The following CD1D variants were observed in gnomAD, a reference collection of about 807,000 sequenced individuals.
CD1D encodes the protein antigen-presenting glycoprotein CD1d.
CD1D carries 40 observed loss-of-function variants against 42.1 expected under a neutral mutation model. That is an observed-to-expected ratio of 0.95 (90% confidence interval 0.74 to 1.24). The LOEUF (loss-of-function observed/expected upper bound fraction) is 1.24, where lower values mean the gene tolerates loss of function less well. Ranked by LOEUF, CD1D falls within the 50% of genes most tolerant of loss-of-function variation. CD1D has a pLI of 0.00. For missense variants in CD1D, 437 were observed against 416.5 expected (o/e 1.05, Z -0.43); for synonymous variants, 178 against 171.8 (o/e 1.04, Z -0.28).
chr1:158,184,007 G>A lies in CD1D; in HGVS notation c.958G>A (p.Gly320Ser), dbSNP rs754781761. 1.2e-6 allele frequency: 2 copies of A among 1,613,974 alleles called. No homozygotes were observed. The highest frequency in any genetic ancestry group is 8.5e-7 in the Non-Finnish European group (1 of 1,180,018). The change falls in exon 5 of 6, where the codon GGC becomes AGC. Residue 320 changes from glycine (G) to serine (S), a missense_variant. Transcript: ENST00000674085. ...GTGCTTGCTGTTCCTCCTCATTGTG[G>A]GCTTTACCTCCCGGTTTAAGAGGCA... The part of the protein sequence containing the change: ...LACLLFLLIV[G>S]FTSRFKRQTS...
At chr1:158,181,432 C>T in intron 1 of CD1D, 23 bp from the exon 2 acceptor site, 1 of 1,611,336 alleles carries the variant, frequency 6.2e-7, no homozygotes, top group Non-Finnish European at 8.5e-7. Context: ...TGCTACACGC[C>T]TCCAATCTTC....
upstream of CD1D, among the ~76,000 whole-genome samples, chr1:158,178,151 T>C (rs1648245948): frequency 6.6e-6 from 1 of 152,234 alleles, no homozygotes; most frequent in Non-Finnish European, 1.5e-5. Flanking sequence ...ATTATCAGGC[T>C]ACTTACAAAA....
At chr1:158,183,365 C>G (rs759089387) in intron 4 of CD1D, among the ~76,000 whole-genome samples, 1 of 152,160 alleles carries the variant, frequency 6.6e-6, no homozygotes, top group Non-Finnish European at 1.5e-5. Flanking sequence ...ATAGTGCTCT[C>G]TATATACAAG....
chr1:158,181,145 C>A lies in CD1D; in HGVS notation c.44C>A (p.Ala15Asp). The A allele has an allele frequency of 6.5e-7, 1 of 1,549,102 alleles. No homozygotes were observed. The highest frequency in any genetic ancestry group is 8.7e-7 in the Non-Finnish European group (1 of 1,146,476). Reference protein sequence around the residue: ...LFLLLWALLQAWGSAEVPQRL... With the variant: ...LFLLLWALLQDWGSAEVPQRL... Reference sequence around the variant, plus strand: ...CTGCTGCTCTGGGCGCTCCTCCAGGCTTGGGGAAGCGCTGAAGGTGGGTGG... The same window carrying A: ...CTGCTGCTCTGGGCGCTCCTCCAGGATTGGGGAAGCGCTGAAGGTGGGTGG... Residue 15 changes from alanine to aspartate, a missense_variant, in exon 1 of 6, where the codon GCT (alanine) becomes GAT (aspartate). Physicochemically the swap from Ala to Asp is moderately radical, Grantham distance 126. Coordinates refer to ENST00000674085, the MANE Select transcript of CD1D (RefSeq NM_001371762.2).
At position 158,184,812 on chromosome 1, in the gene CD1D, T is replaced by C. The variant is rs565329523; in HGVS notation, c.*662T>C. 1 of 152,390 alleles carries C rather than the reference T, an allele frequency of 6.6e-6. No homozygotes were observed. Among genetic ancestry groups the C allele is most frequent in the Admixed American group, 6.5e-5 (1 of 15,304 alleles). The allele number at this position is 152,390 out of a possible 1,614,324, so 9.4% of individuals were successfully genotyped here. ...GATTTACGACTGAAGAAGGACATTT[T>C]CTCTTTAAAAGAAAGTTAGGTTATA... is the stretch of plus-strand genomic sequence containing the variant. On this transcript the variant is annotated 3_prime_UTR_variant, in exon 6 of 6. Coordinates refer to ENST00000674085, the MANE Select transcript of CD1D (RefSeq NM_001371762.2).
At chr1:158,182,694 T>C (rs2101580257) in intron 3 of CD1D, among the ~76,000 whole-genome samples, 184 bp from the exon 4 acceptor site, 1 of 152,256 alleles carries the variant, frequency 6.6e-6, no homozygotes, top group South Asian at 2.1e-4. Context: ...GCAGGCTCCC[T>C]GAAGAAGGTG....
chr1:158,179,598 T>G (rs1335305010), upstream of CD1D, among the ~76,000 whole-genome samples: 1 of 152,112 alleles, frequency 6.6e-6, no homozygotes, highest in African/African-American at 2.4e-5. Flanking sequence ...TCAAAGCCAG[T>G]TAGTGTACAA....
Position 158,181,162 on chromosome 1 carries a change from G to C in CD1D, c.61G>C (p.Val21Leu), listed in dbSNP as rs986366494. The C allele has an allele frequency of 1.9e-6, 3 of 1,550,240 alleles. No homozygotes were observed. The African/African-American group carries it at 4.1e-5, about 21-fold the overall frequency. ...CCTCCAGGCTTGGGGAAGCGCTGAA[G>C]GTGGGTGGAACGAGGGCGCTTGAGT... ...ALLQAWGSAEVPQRLFPLRCL... is the reference protein window; with the variant it reads ...ALLQAWGSAELPQRLFPLRCL... The change falls in exon 1 of 6, where the codon GTC becomes CTC. Residue 21 changes from valine to leucine, a missense_variant and splice_region_variant. Physicochemically the swap from Val to Leu is conservative, Grantham distance 32. Transcript: ENST00000674085.
At chr1:158,178,840 T>C (rs923422118), upstream of CD1D, among the ~76,000 whole-genome samples, 3 of 152,182 alleles carry the variant, frequency 2.0e-5, no homozygotes, top group African/African-American at 7.2e-5. Flanking sequence ...TTGCAAAACG[T>C]TTCATAATTC....
rs1648459918 is a variant in CD1D at position 158,182,100 on chromosome 1, C to T, written c.397C>T (p.His133Tyr). 1 of 1,613,974 alleles carries T rather than the reference C, an allele frequency of 6.2e-7. No individual in the cohort carries two copies. The highest frequency in any genetic ancestry group is 1.3e-5 in the African/African-American group (1 of 74,904). The change falls in exon 3 of 6, where the codon CAT becomes TAT. Residue 133 changes from histidine to tyrosine, a missense_variant. His to Tyr is a moderately conservative substitution (Grantham distance 83). Coordinates refer to ENST00000674085, the MANE Select transcript of CD1D (RefSeq NM_001371762.2). Reference protein sequence around the residue: ...HPGNASNNFFHVAFQGKDILS... With the variant: ...HPGNASNNFFYVAFQGKDILS... ...TGGGAACGCCTCAAATAACTTCTTCCATGTAGCATTTCAAGGAAAAGATAT... is the reference window on the plus strand; with the variant it reads ...TGGGAACGCCTCAAATAACTTCTTCTATGTAGCATTTCAAGGAAAAGATAT...
At position 158,184,666 on chromosome 1, in the gene CD1D, G is replaced by C. The variant is rs1648631843; in HGVS notation, c.*516G>C. The C allele has an allele frequency of 6.2e-6, 1 of 161,968 alleles. No homozygotes were observed. Among genetic ancestry groups the C allele is most frequent in the Admixed American group, 5.8e-5 (1 of 17,228 alleles). The allele number at this position is 161,968 out of a possible 1,614,324, so 10.0% of individuals were successfully genotyped here. A position where few individuals can be genotyped will look rare whatever the true frequency, so the allele number is the denominator to read the frequency against. On this transcript the variant is annotated 3_prime_UTR_variant, in exon 6 of 6. Coordinates refer to ENST00000674085, the MANE Select transcript of CD1D (RefSeq NM_001371762.2). ...CAAGTTTTTACAAAATACTATGTGG[G>C]ACACCTCAAATACATACCTACTGAC...
At chr1:158,181,299 T>A in intron 1 of CD1D, 137 bp downstream of exon 1, 1 of 1,427,132 alleles carries the variant, frequency 7.0e-7, no homozygotes. Context: ...GAAAACTCGC[T>A]GCTCCCTGGC....
chr1:158,183,321 G>A (rs1648547646), intron 4 of CD1D, among the ~76,000 whole-genome samples, 165 bp downstream of exon 4: 1 of 152,082 alleles, frequency 6.6e-6, no homozygotes, highest in Non-Finnish European at 1.5e-5. Context: ...CAGGAAGGAG[G>A]GAAATAAAGA....
chr1:158,178,235 A>G (rs1648249263), upstream of CD1D, among the ~76,000 whole-genome samples: 1 of 152,236 alleles, frequency 6.6e-6, no homozygotes, highest in South Asian at 2.1e-4. Context: ...CTGAATAAAG[A>G]CTATGAGCAA....
upstream of CD1D, chr1:158,180,877 T>C (rs1254288680): frequency 9.2e-6 from 4 of 432,492 alleles, no homozygotes; most frequent in Non-Finnish European, 1.6e-5. Context: ...CCAGGATTCC[T>C]GGGACCCCGA....
intron 3 of CD1D, 26 bp from the exon 4 acceptor site, chr1:158,182,852 C>T (rs1439253086): frequency 1.9e-6 from 3 of 1,565,376 alleles, no homozygotes; most frequent in Admixed American, 3.7e-5. Flanking sequence ...ACTTTAAGAT[C>T]CCCCCCATTC....
chr1:158,178,867 GA>G (rs1648265803), upstream of CD1D, among the ~76,000 whole-genome samples: 1 of 152,008 alleles, frequency 6.6e-6, no homozygotes, highest in South Asian at 2.1e-4. Context: ...TCCTTTCCCA[GA>G]AAAAAAGCAG....
chr1:158,178,236 C>T (rs1648249328), upstream of CD1D, among the ~76,000 whole-genome samples: 3 of 152,208 alleles, frequency 2.0e-5, no homozygotes, highest in Admixed American at 2.0e-4. Flanking sequence ...TGAATAAAGA[C>T]TATGAGCAAT....
At chr1:158,180,723 A>C, upstream of CD1D, 1 of 214,264 alleles carries the variant, frequency 4.7e-6, no homozygotes. Context: ...CATGGTTGGA[A>C]TTGTAACACA....
Sources: allele counts gnomAD v4.1 joint callset (sites outside exome capture counted in the v4.1 genomes callset), GRCh38; gene constraint gnomAD v4.1.1; transcripts MANE v1.5; gene names NCBI Gene and HGNC (gene_info 2026-07-23, HGNC 2026-07-21).